ADGRB3: variants seen among roughly 807,000 people sequenced by gnomAD.
The protein encoded by ADGRB3 is brain-specific angiogenesis inhibitor 3.
A neutral mutation model predicts 193.4 loss-of-function variants in ADGRB3; 37 were observed. The observed-to-expected ratio is 0.19, with a 90% CI of 0.15 to 0.25. The LOEUF (loss-of-function observed/expected upper bound fraction) is 0.25, where lower values mean the gene tolerates loss of function less well. Among genes scored for constraint, ADGRB3 ranks in the 10% least tolerant of loss-of-function variants. ADGRB3 has a pLI of 1.00. For missense variants in ADGRB3, 1,637 were observed against 1,852.9 expected (o/e 0.88, Z 2.14); for synonymous variants, 690 against 644.2 (o/e 1.07, Z -1.08).
chr6:69,098,457 A>G (rs763232291), intron 17 of ADGRB3, among the ~76,000 whole-genome samples: 1 of 152,228 alleles, frequency 6.6e-6, no homozygotes, highest in Non-Finnish European at 1.5e-5. Context: ...GAGACTGGGT[A>G]ACTTATGAGG....
chr6:68,878,339 G>C (rs143243291), intron 3 of ADGRB3, among the ~76,000 whole-genome samples: 1 of 151,690 alleles, frequency 6.6e-6, no homozygotes, highest in South Asian at 2.1e-4. Flanking sequence ...AGACTAATGT[G>C]TATTTGTTCA....
At chr6:69,036,681 C>T (rs1770881428) in intron 13 of ADGRB3, among the ~76,000 whole-genome samples, 1 of 151,744 alleles carries the variant, frequency 6.6e-6, no homozygotes, top group Admixed American at 6.6e-5. Flanking sequence ...TAGCGGAGAC[C>T]CATGGATAAG....
chr6:68,991,347 A>G (rs1269802770), intron 10 of ADGRB3, among the ~76,000 whole-genome samples: 1 of 152,014 alleles, frequency 6.6e-6, no homozygotes, highest in Admixed American at 6.6e-5. Flanking sequence ...CAGAAGGCTT[A>G]TATTAATATT....
intron 20 of ADGRB3, among the ~76,000 whole-genome samples, chr6:69,256,183 C>A (rs951026410): frequency 6.6e-6 from 1 of 150,940 alleles, no homozygotes; most frequent in African/African-American, 2.4e-5. Context: ...CTTGGCGATG[C>A]GGGCTCTTTT....
intron 3 of ADGRB3, among the ~76,000 whole-genome samples, chr6:68,917,653 A>C (rs913621109): frequency 6.6e-6 from 1 of 152,116 alleles, no homozygotes; most frequent in Admixed American, 6.5e-5. Flanking sequence ...TGCCTTATCC[A>C]TTGGGCACTC....
At chr6:68,992,454 A>G (rs572609901) in intron 10 of ADGRB3, among the ~76,000 whole-genome samples, 2 of 152,212 alleles carry the variant, frequency 1.3e-5, no homozygotes, top group South Asian at 4.1e-4. Context: ...TAAATACGTA[A>G]ATATCACTCC....
chr6:68,680,498 C>A (rs1764875931), intron 3 of ADGRB3, among the ~76,000 whole-genome samples: 1 of 152,084 alleles, frequency 6.6e-6, no homozygotes, highest in Non-Finnish European at 1.5e-5. Context: ...ATTTTGGACT[C>A]TTCATCTATT....
chr6:69,054,693 A>G (rs1032605851), intron 15 of ADGRB3, among the ~76,000 whole-genome samples: 1 of 152,172 alleles, frequency 6.6e-6, no homozygotes, highest in African/African-American at 2.4e-5. Context: ...CAGATATTTT[A>G]AAAGTGAATG....
chr6:68,906,230 A>G (rs1414852610), intron 3 of ADGRB3, among the ~76,000 whole-genome samples: 1 of 151,848 alleles, frequency 6.6e-6, no homozygotes, highest in Non-Finnish European at 1.5e-5. Flanking sequence ...TTCAGTATAT[A>G]TGGTATATAT....
intron 4 of ADGRB3, among the ~76,000 whole-genome samples, chr6:68,932,584 T>C (rs950893024): frequency 3.9e-5 from 6 of 152,012 alleles, no homozygotes; most frequent in African/African-American, 1.4e-4. Context: ...ATATTTTTCC[T>C]TAAATATTTT....
chr6:69,256,744 A>G (rs1766781578), intron 20 of ADGRB3, among the ~76,000 whole-genome samples: 1 of 152,174 alleles, frequency 6.6e-6, no homozygotes. Flanking sequence ...CACTATGCTG[A>G]ATAGGAGTGG....
At chr6:69,002,222 C>CTTTTTT (rs11284011) in intron 11 of ADGRB3, among the ~76,000 whole-genome samples, 2 of 138,502 alleles carry the variant, frequency 1.4e-5, no homozygotes, top group Non-Finnish European at 3.1e-5. Flanking sequence ...CATCTTTTAT[C>CTTTTTT]TTTTTTTTTT....
At chr6:69,339,532 A>G (rs371614340) in intron 26 of ADGRB3, 28 bp downstream of exon 26, 23 of 1,599,334 alleles carry the variant, frequency 1.4e-5, no homozygotes, top group Non-Finnish European at 2.0e-5. Flanking sequence ...GATAGAGAAC[A>G]GTGATGGTTG....
chr6:68,817,193 G>C (rs1053578388), intron 3 of ADGRB3, among the ~76,000 whole-genome samples: 6 of 150,172 alleles, frequency 4.0e-5, no homozygotes, highest in African/African-American at 1.2e-4. Context: ...GAATGAATGT[G>C]TAGAAGAAAA....
At chr6:68,820,445 G>GT (rs2127379941) in intron 3 of ADGRB3, among the ~76,000 whole-genome samples, 1 of 152,026 alleles carries the variant, frequency 6.6e-6, no homozygotes, top group African/African-American at 2.4e-5. Context: ...TCACACCAGG[G>GT]TAAGTGAGAT....
intron 3 of ADGRB3, among the ~76,000 whole-genome samples, chr6:68,803,860 G>A (rs1767355866): frequency 2.0e-5 from 3 of 152,084 alleles, no homozygotes; most frequent in South Asian, 4.1e-4. Context: ...AGTCCAAATC[G>A]ATTATTTTTC....
At chr6:69,320,823 G>A (rs929792999) in intron 20 of ADGRB3, among the ~76,000 whole-genome samples, 2 of 130,916 alleles carry the variant, frequency 1.5e-5, no homozygotes, top group South Asian at 4.5e-4. Flanking sequence ...GTGCATGTGT[G>A]TATGTGTGTG....
rs548658494 is a variant in ADGRB3, at chr6:68,790,579, C to T, written c.758-139980C>T. 3.6e-3 allele frequency among the ~76,000 whole-genome samples: 554 copies of T among 152,260 alleles called. 5 individuals carry two copies. The highest frequency in any genetic ancestry group is 0.013 in the African/African-American group (535 of 41,550). ...ACACCTCACATGGCCAGGTACTCCT[C>T]TGAGACAAAACTTCCAGAGGAACGA... is the stretch of plus-strand genomic sequence containing the variant. On this transcript the variant is annotated intron_variant, in intron 3 of 31. Transcript: ENST00000370598.
chr6:68,732,429 A>G (rs1765791324), intron 3 of ADGRB3, among the ~76,000 whole-genome samples: 1 of 151,936 alleles, frequency 6.6e-6, no homozygotes, highest in South Asian at 2.1e-4. Flanking sequence ...ATAAAGGAAA[A>G]TTGTTTTGGT....
Sources: allele counts gnomAD v4.1 joint callset (sites outside exome capture counted in the v4.1 genomes callset), GRCh38; gene constraint gnomAD v4.1.1; transcripts MANE v1.5; gene names NCBI Gene and HGNC (gene_info 2026-07-23, HGNC 2026-07-21).